KCND3: variants seen among roughly 807,000 people sequenced by gnomAD.
KCND3 encodes the protein A-type voltage-gated potassium channel KCND3.
KCND3 carries 9 observed loss-of-function variants against 51.1 expected under a neutral mutation model. The ratio of observed to expected loss-of-function variants is 0.18; its 90% confidence interval spans 0.11 to 0.31. KCND3 has a LOEUF of 0.31. KCND3 is among the 10% of genes least tolerant of loss of function. The pLI is 1.00. For synonymous variants in KCND3, 349 were observed against 368.0 expected, an observed-to-expected ratio of 0.95 and a Z score of 0.59; for missense variants, 526 against 903.8, an observed-to-expected ratio of 0.58 and a Z score of 5.36.
chr1:111,979,854 C>T (rs1448269171), intron 2 of KCND3, among the ~76,000 whole-genome samples: 3 of 152,148 alleles, frequency 2.0e-5, no homozygotes, highest in Non-Finnish European at 4.4e-5. Flanking sequence ...TGGCTATCAC[C>T]ATGCCTGTTT....
intron 3 of KCND3, among the ~76,000 whole-genome samples, chr1:111,781,583 G>A (rs1308550457): frequency 6.6e-6 from 1 of 152,034 alleles, no homozygotes; most frequent in African/African-American, 2.4e-5. Flanking sequence ...GCAGTAGCGT[G>A]ATCTCGGCTC....
chr1:111,774,869 AAGGGT>A lies in KCND3; in HGVS notation c.*1203_*1207del, dbSNP rs1383299609. The stretch of plus-strand genomic sequence containing the variant: ...TGGGCTTTATGGTGGGTCTTGAAGG[AAGGGT>A]CCATAGCAAGGTGCCCTAATGACCG... On this transcript the variant is annotated 3_prime_UTR_variant, in exon 8 of 8. Coordinates refer to ENST00000302127, the MANE Select transcript of KCND3 (RefSeq NM_001378969.1). 1.3e-5 allele frequency: 2 copies of A among 152,128 alleles called. No individual in the cohort carries two copies. Among genetic ancestry groups the A allele is most frequent in the African/African-American group, 4.8e-5 (2 of 41,400 alleles). 9.4% of individuals were successfully genotyped at this position (152,128 alleles called of 1,614,324 possible).
chr1:111,937,840 G>A (rs748761898), intron 2 of KCND3, among the ~76,000 whole-genome samples: 26 of 152,152 alleles, frequency 1.7e-4, no homozygotes, highest in Non-Finnish European at 3.5e-4. Context: ...GAGCCAAGAT[G>A]GAGAGCTGGC....
intron 2 of KCND3, among the ~76,000 whole-genome samples, chr1:111,835,145 C>T (rs941078749): frequency 1.1e-4 from 16 of 152,160 alleles, no homozygotes; most frequent in Non-Finnish European, 2.9e-5. Context: ...AGGGAGTCAG[C>T]CACATCTAGC....
chr1:111,823,423 G>C (rs1414856191), intron 2 of KCND3, among the ~76,000 whole-genome samples: 1 of 152,058 alleles, frequency 6.6e-6, no homozygotes, highest in South Asian at 2.1e-4. Context: ...ATCCATCACA[G>C]CTCTGCAGAT....
At chr1:111,930,889 C>T (rs1306594382) in intron 2 of KCND3, among the ~76,000 whole-genome samples, 1 of 152,196 alleles carries the variant, frequency 6.6e-6, no homozygotes, top group East Asian at 1.9e-4. Flanking sequence ...TAGCTCAGTT[C>T]TGCAGGTGAA....
chr1:111,775,818 G>GGGC lies in KCND3; in HGVS notation c.*258_*259insGCC. On this transcript the variant is annotated 3_prime_UTR_variant, in exon 8 of 8. Coordinates refer to ENST00000302127, the MANE Select transcript of KCND3 (RefSeq NM_001378969.1). ...AGCCTATATCCCCCGGCCTATCCCCGACCCCCCCACCCTCCCTCCCTTCCT... is the reference window on the plus strand; with the variant it reads ...AGCCTATATCCCCCGGCCTATCCCCGGGCACCCCCCCACCCTCCCTCCCTTCCT... The GGGC allele has an allele frequency of 1.0e-5, 1 of 99,730 alleles. No individual in the cohort carries two copies. Among genetic ancestry groups the GGGC allele is most frequent in the Non-Finnish European group, 1.9e-5 (1 of 51,434 alleles). 6.2% of individuals were successfully genotyped at this position (99,730 alleles called of 1,614,324 possible). A position where few individuals can be genotyped will look rare whatever the true frequency, so the allele number is the denominator to read the frequency against.
chr1:111,822,186 AAT>A (rs1460988096), intron 2 of KCND3, among the ~76,000 whole-genome samples: 29 of 152,262 alleles, frequency 1.9e-4, no homozygotes, highest in East Asian at 7.7e-4. Context: ...CTGAAATTAA[AAT>A]ATGTTTGTCG....
chr1:111,891,982 GTGT>G (rs1417854601), intron 2 of KCND3, among the ~76,000 whole-genome samples: 4 of 76,936 alleles, frequency 5.2e-5, no homozygotes, highest in Admixed American at 3.0e-4. Context: ...GTGTGTGTCT[GTGT>G]GTGTGTGTGT....
At chr1:111,938,791 G>A (rs1672342884) in intron 2 of KCND3, among the ~76,000 whole-genome samples, 1 of 152,148 alleles carries the variant, frequency 6.6e-6, no homozygotes, top group Non-Finnish European at 1.5e-5. Context: ...ATCCCAGAGA[G>A]GGAGCAGGGA....
chr1:111,791,755 G>A (rs891996806), intron 2 of KCND3, among the ~76,000 whole-genome samples: 2 of 152,066 alleles, frequency 1.3e-5, no homozygotes, highest in African/African-American at 4.8e-5. Context: ...TGTAATTATG[G>A]GTGAAACCAA....
At chr1:111,864,062 A>C (rs1668450761) in intron 2 of KCND3, among the ~76,000 whole-genome samples, 1 of 151,542 alleles carries the variant, frequency 6.6e-6, no homozygotes, top group Non-Finnish European at 1.5e-5. Flanking sequence ...GGAGCAGAGG[A>C]GGAGGAGCAG....
chr1:111,854,086 C>T (rs1667948030), intron 2 of KCND3: 1 of 152,084 alleles, frequency 6.6e-6, no homozygotes, highest in African/African-American at 2.4e-5. Context: ...AACATGGGGC[C>T]CCTCATGCTC....
chr1:111,803,821 A>C (rs1557946508), intron 2 of KCND3, among the ~76,000 whole-genome samples: 2 of 152,316 alleles, frequency 1.3e-5, no homozygotes, highest in South Asian at 2.1e-4. Context: ...AAGTTAGAAA[A>C]AAAAACTTCG....
intron 2 of KCND3, among the ~76,000 whole-genome samples, chr1:111,845,621 G>A (rs898532119): frequency 6.6e-6 from 1 of 151,610 alleles, no homozygotes; most frequent in Non-Finnish European, 1.5e-5. Context: ...CTGACTTGTT[G>A]CTGTGAGCCA....
chr1:111,961,000 G>A (rs1024722032), intron 2 of KCND3, among the ~76,000 whole-genome samples: 1 of 152,198 alleles, frequency 6.6e-6, no homozygotes, highest in Non-Finnish European at 1.5e-5. Context: ...GCCATGAGGA[G>A]AGGGCCTAGA....
chr1:111,830,379 T>C (rs1050177461), intron 2 of KCND3, among the ~76,000 whole-genome samples: 1 of 152,240 alleles, frequency 6.6e-6, no homozygotes, highest in African/African-American at 2.4e-5. Flanking sequence ...CATGACTTTG[T>C]ATCTTGGCCT....
At chr1:111,786,666 G>A (rs1307301646) in intron 3 of KCND3, among the ~76,000 whole-genome samples, 1 of 152,192 alleles carries the variant, frequency 6.6e-6, no homozygotes, top group Non-Finnish European at 1.5e-5. Flanking sequence ...GGCAGTGGCT[G>A]AGGGAGTGGA....
intron 2 of KCND3, among the ~76,000 whole-genome samples, chr1:111,816,502 T>C (rs1286680423): frequency 6.6e-6 from 1 of 152,248 alleles, no homozygotes; most frequent in Non-Finnish European, 1.5e-5. Context: ...AGCAGAGGAT[T>C]GTGTGGCTCT....
Sources: allele counts gnomAD v4.1 joint callset (sites outside exome capture counted in the v4.1 genomes callset), GRCh38; gene constraint gnomAD v4.1.1; transcripts MANE v1.5; gene names NCBI Gene and HGNC (gene_info 2026-07-23, HGNC 2026-07-21).